Variants in ANKS1B observed in about 807,000 individuals in gnomAD.
ANKS1B encodes ankyrin repeat and sterile alpha motif domain containing 1B, also known as ankyrin repeat and sterile alpha motif domain-containing protein 1B.
Under a neutral mutation model 148.3 loss-of-function variants are expected in ANKS1B, and 36 were observed. The observed-to-expected ratio is 0.24, with a 90% CI of 0.19 to 0.32. The LOEUF (loss-of-function observed/expected upper bound fraction) is 0.32. Ranked by LOEUF, ANKS1B falls within the 10% of genes least tolerant of loss-of-function variation. ANKS1B has a pLI of 1.00. For synonymous variants in ANKS1B, 542 were observed against 560.8 expected, an observed-to-expected ratio of 0.97 and a Z score of 0.47; for missense variants, 1,157 against 1,542.6, an observed-to-expected ratio of 0.75 and a Z score of 4.19.
chr12:99,659,197 T>C (rs2098464200), intron 8 of ANKS1B, among the ~76,000 whole-genome samples: 1 of 152,182 alleles, frequency 6.6e-6, no homozygotes, highest in Non-Finnish European at 1.5e-5. Context: ...TGTAAAACCA[T>C]AATTTTTAAC....
At chr12:99,210,230 A>C (rs193202201) in intron 14 of ANKS1B, among the ~76,000 whole-genome samples, 1 of 152,242 alleles carries the variant, frequency 6.6e-6, no homozygotes, top group African/African-American at 2.4e-5. Flanking sequence ...TATTCTCCAA[A>C]ATAAACCCTG....
chr12:98,913,467 T>C (rs551382521), intron 17 of ANKS1B, among the ~76,000 whole-genome samples: 103 of 152,286 alleles, frequency 6.8e-4, no homozygotes, highest in Non-Finnish European at 1.1e-3. Flanking sequence ...CTGCTTCTCT[T>C]CTGGATCTAC....
intron 12 of ANKS1B, among the ~76,000 whole-genome samples, chr12:99,352,942 G>T (rs373653200): frequency 2.2e-4 from 33 of 152,140 alleles, no homozygotes; most frequent in African/African-American, 7.5e-4. Flanking sequence ...ATAGTCTGAT[G>T]AAGGGTACAT....
intron 14 of ANKS1B, chr12:99,154,727 G>A (rs552034253): frequency 1.9e-4 from 271 of 1,439,786 alleles, no homozygotes; most frequent in Middle Eastern, 7.7e-4. Flanking sequence ...GCTGGTCTGC[G>A]TTCTATGTGA....
At chr12:99,527,662 C>T (rs138577345) in intron 9 of ANKS1B, among the ~76,000 whole-genome samples, 3 of 152,134 alleles carry the variant, frequency 2.0e-5, no homozygotes, top group Admixed American at 2.0e-4. Flanking sequence ...TAACTGGAGT[C>T]AGAATCCCAA....
At chr12:99,822,385 G>A (rs1368659645) in intron 2 of ANKS1B, among the ~76,000 whole-genome samples, 1 of 152,030 alleles carries the variant, frequency 6.6e-6, no homozygotes, top group African/African-American at 2.4e-5. Flanking sequence ...TGAGGTTTGG[G>A]ATACAATTTA....
intron 9 of ANKS1B, among the ~76,000 whole-genome samples, chr12:99,523,146 A>G (rs1462022000): frequency 1.3e-5 from 2 of 152,228 alleles, no homozygotes; most frequent in Non-Finnish European, 2.9e-5. Context: ...AAACTAAAGC[A>G]TCTTAATTGA....
At chr12:99,674,756 A>G (rs2098554446) in intron 8 of ANKS1B, among the ~76,000 whole-genome samples, 1 of 151,884 alleles carries the variant, frequency 6.6e-6, no homozygotes, top group Non-Finnish European at 1.5e-5. Flanking sequence ...AATATAATAG[A>G]AGAAATGATT....
chr12:99,292,954 G>T (rs2080244333), intron 12 of ANKS1B, among the ~76,000 whole-genome samples: 1 of 152,144 alleles, frequency 6.6e-6, no homozygotes, highest in African/African-American at 2.4e-5. Flanking sequence ...GATTCCTCAA[G>T]GATCTAGAAC....
At chr12:99,459,374 C>T (rs1300650442) in intron 10 of ANKS1B, among the ~76,000 whole-genome samples, 1 of 152,060 alleles carries the variant, frequency 6.6e-6, no homozygotes, top group Non-Finnish European at 1.5e-5. Context: ...ACTTTCACCA[C>T]TTCTATTAAA....
intron 9 of ANKS1B, among the ~76,000 whole-genome samples, chr12:98,737,563 T>TC (rs2097779627): frequency 6.6e-6 from 1 of 152,256 alleles, no homozygotes; most frequent in Non-Finnish European, 1.5e-5. Flanking sequence ...AGGGCCTCAG[T>TC]AAACACTTGT....
intron 8 of ANKS1B, among the ~76,000 whole-genome samples, chr12:99,723,372 T>C (rs1291600482): frequency 6.6e-6 from 1 of 152,158 alleles, no homozygotes; most frequent in Non-Finnish European, 1.5e-5. Flanking sequence ...ACACCGGCTG[T>C]GGCAGACTGT....
chr12:99,704,241 G>A (rs1460521040), intron 8 of ANKS1B, among the ~76,000 whole-genome samples: 1 of 152,044 alleles, frequency 6.6e-6, no homozygotes, highest in Non-Finnish European at 1.5e-5. Context: ...ACGTGGGAGG[G>A]ATAATTTGGC....
intron 17 of ANKS1B, among the ~76,000 whole-genome samples, chr12:98,984,992 C>T (rs1466152850): frequency 6.6e-6 from 1 of 152,120 alleles, no homozygotes; most frequent in Non-Finnish European, 1.5e-5. Context: ...ACCTGGGTGA[C>T]AAAGTGAGAC....
intron 10 of ANKS1B, among the ~76,000 whole-genome samples, chr12:99,464,438 C>T (rs192447199): frequency 1.1e-4 from 17 of 152,260 alleles, no homozygotes; most frequent in East Asian, 9.6e-4. Flanking sequence ...CAAAGCTGGA[C>T]GGAGAATGAC....
chr12:98,844,942 GAT>G (rs1246928599), intron 17 of ANKS1B, among the ~76,000 whole-genome samples: 2 of 152,160 alleles, frequency 1.3e-5, no homozygotes, highest in Non-Finnish European at 2.9e-5. Context: ...ACACCAAAAA[GAT>G]GCAATTTAAC....
intron 1 of ANKS1B, among the ~76,000 whole-genome samples, chr12:99,886,885 A>G (rs2092850264): frequency 1.3e-5 from 2 of 152,242 alleles, no homozygotes; most frequent in Admixed American, 1.3e-4. Context: ...TACAGATGTG[A>G]CATTTAAGAA....
intron 9 of ANKS1B, among the ~76,000 whole-genome samples, chr12:99,575,966 T>C (rs1469002391): frequency 1.3e-5 from 2 of 152,030 alleles, no homozygotes; most frequent in African/African-American, 4.8e-5. Context: ...ACAAGTTGGG[T>C]AAATAAGTAA....
chr12:99,784,168 CTTTTTT>C (rs71088155), intron 4 of ANKS1B, among the ~76,000 whole-genome samples: 16 of 110,878 alleles, frequency 1.4e-4, no homozygotes, highest in Admixed American at 7.0e-4. Context: ...ACTGAACTTT[CTTTTTT>C]TTTTTTTTTT....
Sources: allele counts gnomAD v4.1 joint callset (sites outside exome capture counted in the v4.1 genomes callset), GRCh38; gene constraint gnomAD v4.1.1; transcripts MANE v1.5; gene names NCBI Gene and HGNC (gene_info 2026-07-23, HGNC 2026-07-21).